EIF4EBP1: variants seen among roughly 807,000 people sequenced by gnomAD.
The protein encoded by EIF4EBP1 is eukaryotic translation initiation factor 4E binding protein 1.
Under a neutral mutation model 9.2 loss-of-function variants are expected in EIF4EBP1, and 5 were observed. The observed-to-expected ratio is 0.54, with a 90% CI of 0.28 to 1.14. The LOEUF (loss-of-function observed/expected upper bound fraction) is 1.14. Ranked by LOEUF, EIF4EBP1 falls within the 50% of genes most tolerant of loss-of-function variation. The pLI is 0.09. For synonymous variants in EIF4EBP1, 62 were observed against 67.0 expected (o/e 0.93, Z 0.36); for missense variants, 139 against 169.6 (o/e 0.82, Z 1.00).
Position 38,030,537 on chromosome 8 carries a change from G to A in EIF4EBP1, c.-37G>A. On this transcript the variant is annotated 5_prime_UTR_variant, in exon 1 of 3. Transcript: ENST00000338825. ...GGAGCGAGGCTGGAGGCGCGGGAGGGCAGCGAGAGGTTCGCGGGTGCAGCG... is the reference window on the plus strand; with the variant it reads ...GGAGCGAGGCTGGAGGCGCGGGAGGACAGCGAGAGGTTCGCGGGTGCAGCG... 1 of 1,484,488 alleles carries A rather than the reference G, an allele frequency of 6.7e-7. No individual in the cohort carries two copies. The highest frequency in any genetic ancestry group is 8.9e-7 in the Non-Finnish European group (1 of 1,123,384). 92.0% of individuals were successfully genotyped at this position (1,484,488 alleles called of 1,614,324 possible). A position where few individuals can be genotyped will look rare whatever the true frequency, so the allele number is the denominator to read the frequency against.
chr8:38,037,635 G>C (rs1162504579), intron 1 of EIF4EBP1, among the ~76,000 whole-genome samples: 1 of 151,854 alleles, frequency 6.6e-6, no homozygotes, highest in African/African-American at 2.4e-5. Flanking sequence ...TTTTCTTACT[G>C]TCAGGCCTGA....
At chr8:38,053,346 CAG>C (rs1809551438) in intron 1 of EIF4EBP1, among the ~76,000 whole-genome samples, 1 of 151,880 alleles carries the variant, frequency 6.6e-6, no homozygotes, top group African/African-American at 2.4e-5. Flanking sequence ...TGTTTTGAGA[CAG>C]GGTCTTGTTC....
At chr8:38,037,697 T>C (rs1168306455) in intron 1 of EIF4EBP1, among the ~76,000 whole-genome samples, 2 of 152,180 alleles carry the variant, frequency 1.3e-5, no homozygotes, top group Admixed American at 6.5e-5. Context: ...GTCCTTTCAG[T>C]TGCAGGGTAT....
chr8:38,031,592 CCCTT>C (rs1182539991), intron 1 of EIF4EBP1, among the ~76,000 whole-genome samples: 8 of 152,158 alleles, frequency 5.3e-5, no homozygotes, highest in African/African-American at 1.9e-4. Context: ...TTGCTCCTCT[CCCTT>C]CATTCTCCTC....
intron 1 of EIF4EBP1, among the ~76,000 whole-genome samples, chr8:38,032,643 A>G (rs1809240946): frequency 2.0e-5 from 3 of 152,202 alleles, no homozygotes. Context: ...GGAGTGGGGA[A>G]GGGACTTCTG....
chr8:38,052,550 A>G (rs1456385796), intron 1 of EIF4EBP1, among the ~76,000 whole-genome samples: 2 of 152,080 alleles, frequency 1.3e-5, no homozygotes, highest in Non-Finnish European at 2.9e-5. Context: ...CCAACATGGC[A>G]AAACCCTGTC....
chr8:38,059,506 C>T (rs1809640959), intron 2 of EIF4EBP1, among the ~76,000 whole-genome samples: 1 of 152,010 alleles, frequency 6.6e-6, no homozygotes, highest in South Asian at 2.1e-4. Context: ...AATCCCAGCA[C>T]TTTGGGAGGC....
At chr8:38,031,206 T>C (rs1221340892) in intron 1 of EIF4EBP1, among the ~76,000 whole-genome samples, 1 of 152,112 alleles carries the variant, frequency 6.6e-6, no homozygotes, top group East Asian at 1.9e-4. Flanking sequence ...CTGACTGAGG[T>C]TCGGATCTGG....
chr8:38,056,828 A>G (rs1266147123), intron 1 of EIF4EBP1, among the ~76,000 whole-genome samples: 2 of 151,706 alleles, frequency 1.3e-5, no homozygotes, highest in Non-Finnish European at 2.9e-5. Flanking sequence ...CACGCTGGCT[A>G]ATTTTTGTAT....
At chr8:38,046,459 C>G (rs1377008173) in intron 1 of EIF4EBP1, among the ~76,000 whole-genome samples, 1 of 152,114 alleles carries the variant, frequency 6.6e-6, no homozygotes, top group African/African-American at 2.4e-5. Context: ...GGGAGGACAC[C>G]CTCACCCTGT....
chr8:38,059,670 C>A (rs1311256567), intron 2 of EIF4EBP1, among the ~76,000 whole-genome samples: 1 of 151,378 alleles, frequency 6.6e-6, no homozygotes, highest in Non-Finnish European at 1.5e-5. Context: ...GTAGGAGAAT[C>A]GCTTGAACCC....
chr8:38,042,145 C>A (rs1451328738), intron 1 of EIF4EBP1, among the ~76,000 whole-genome samples: 2 of 152,166 alleles, frequency 1.3e-5, no homozygotes, highest in African/African-American at 2.4e-5. Flanking sequence ...TTTGGGAACA[C>A]TCTTCAGAGG....
At chr8:38,034,848 T>C (rs1809276920) in intron 1 of EIF4EBP1, among the ~76,000 whole-genome samples, 3 of 152,148 alleles carry the variant, frequency 2.0e-5, no homozygotes, top group African/African-American at 7.2e-5. Flanking sequence ...CCTGAGGCCT[T>C]AGTCACATGG....
intron 1 of EIF4EBP1, among the ~76,000 whole-genome samples, chr8:38,046,004 G>C (rs1563234102): frequency 6.6e-6 from 1 of 152,104 alleles, no homozygotes; most frequent in Non-Finnish European, 1.5e-5. Context: ...CTGGGTTCAA[G>C]CAATCCTCCT....
At chr8:38,032,169 C>G (rs922295650) in intron 1 of EIF4EBP1, among the ~76,000 whole-genome samples, 1 of 152,010 alleles carries the variant, frequency 6.6e-6, no homozygotes, top group Non-Finnish European at 1.5e-5. Flanking sequence ...CTTTTTTGCA[C>G]TCTTTATTGC....
chr8:38,059,522 A>G (rs1487133615), intron 2 of EIF4EBP1, among the ~76,000 whole-genome samples: 1 of 151,900 alleles, frequency 6.6e-6, no homozygotes, highest in Admixed American at 6.6e-5. Context: ...GAGGCTGAGG[A>G]GGGTGGATCA....
Position 38,052,717 on chromosome 8 carries a change from C to CA in EIF4EBP1, c.146-4348dup, listed in dbSNP as rs746753182. Among the ~76,000 whole-genome samples the CA allele has an allele frequency of 6.3e-3, 759 of 120,698 alleles. 1 individual carries two copies. Among genetic ancestry groups the CA allele is most frequent in the Admixed American group, 9.0e-3 (101 of 11,266 alleles). The allele number at this position is 120,698 out of a possible 152,430, so 79.2% of individuals were successfully genotyped here. ...TGGGCAACAGAATGAGACTCCATCT[C>CA]AAAAAAAAAAAAAAAATTGTAGATA... On this transcript the variant is annotated intron_variant, in intron 1 of 2. Coordinates refer to ENST00000338825, the MANE Select transcript of EIF4EBP1 (RefSeq NM_004095.4).
intron 1 of EIF4EBP1, among the ~76,000 whole-genome samples, chr8:38,037,240 G>A (rs546145278): frequency 1.2e-4 from 18 of 152,178 alleles, no homozygotes; most frequent in Non-Finnish European, 1.3e-4. Flanking sequence ...GCCAGGTCTA[G>A]TGTCTGGAAG....
chr8:38,036,809 C>T (rs1254881921), intron 1 of EIF4EBP1, among the ~76,000 whole-genome samples: 3 of 151,858 alleles, frequency 2.0e-5, no homozygotes, highest in Admixed American at 6.6e-5. Context: ...CCACCACAAC[C>T]GGCTAATTTT....
Sources: gnomAD v4.1 joint callset for allele counts (sites outside exome capture counted in the v4.1 genomes callset) on GRCh38, gnomAD v4.1.1 for gene constraint, MANE v1.5 for transcripts, NCBI Gene and HGNC (gene_info 2026-07-23, HGNC 2026-07-21) for gene names.